CDH13: variants seen among roughly 807,000 people sequenced by gnomAD.
The protein encoded by CDH13 is cadherin-13.
CDH13 carries 24 observed loss-of-function variants against 63.8 expected under a neutral mutation model. That is an observed-to-expected ratio of 0.38 (90% CI 0.27 to 0.53). The LOEUF (loss-of-function observed/expected upper bound fraction) is 0.53. Among genes scored for constraint, CDH13 ranks in the 20% least tolerant of loss-of-function variants. The pLI is 0.85. For missense variants in CDH13, 1,049 were observed against 903.1 expected (o/e 1.16, Z -2.07); for synonymous variants, 503 against 355.3 (o/e 1.42, Z -4.67).
chr16:83,100,980 T>C (rs1364480506), intron 3 of CDH13, among the ~76,000 whole-genome samples: 2 of 152,150 alleles, frequency 1.3e-5, no homozygotes, highest in African/African-American at 4.8e-5. Flanking sequence ...TTCTTTCTCA[T>C]TTTTCATTTC....
intron 3 of CDH13, among the ~76,000 whole-genome samples, chr16:83,076,960 A>G (rs2032883822): frequency 6.6e-6 from 1 of 152,008 alleles, no homozygotes; most frequent in African/African-American, 2.4e-5. Context: ...GTGCAACCCA[A>G]ACCCCCATCA....
chr16:83,112,780 A>T (rs899950343), intron 3 of CDH13, among the ~76,000 whole-genome samples: 1 of 152,226 alleles, frequency 6.6e-6, no homozygotes, highest in Non-Finnish European at 1.5e-5. Context: ...TTTCTTTAGC[A>T]TCGAGGTATC....
At chr16:82,853,263 T>G (rs1430115318) in intron 1 of CDH13, among the ~76,000 whole-genome samples, 1 of 152,228 alleles carries the variant, frequency 6.6e-6, no homozygotes, top group Admixed American at 6.5e-5. Flanking sequence ...GATTCCCTGC[T>G]ATGTCCCTGT....
At chr16:82,709,023 G>C (rs775832835) in intron 1 of CDH13, among the ~76,000 whole-genome samples, 1 of 152,198 alleles carries the variant, frequency 6.6e-6, no homozygotes. Context: ...GTTGAGAAGT[G>C]GGGACAGGCC....
chr16:83,216,427 T>TATATATATATATATATATATATATAA lies in CDH13; in HGVS notation c.484-901_484-900insTATATATAAATATATATATATATATA, dbSNP rs71148821. 4.9e-3 allele frequency among the ~76,000 whole-genome samples: 222 copies of TATATATATATATATATATATATATAA among 45,026 alleles called. 37 individuals are homozygous for TATATATATATATATATATATATATAA. Among genetic ancestry groups the TATATATATATATATATATATATATAA allele is most frequent in the Non-Finnish European group, 9.1e-3 (183 of 20,110 alleles). The allele number at this position is 45,026 out of a possible 152,430, so 29.5% of individuals were successfully genotyped here. Reference sequence around the variant, plus strand: ...ATATATATATATATATATATATATATATATATATATATATATACACAACCC... The same window carrying TATATATATATATATATATATATATAA: ...ATATATATATATATATATATATATATATATATATATATATATATATATATAAATATATATATATATATACACAACCC... On this transcript the variant is annotated intron_variant, in intron 4 of 13. Coordinates refer to ENST00000567109, the MANE Select transcript of CDH13 (RefSeq NM_001257.5).
At chr16:83,677,257 G>A (rs1010118826) in intron 9 of CDH13, among the ~76,000 whole-genome samples, 7 of 152,190 alleles carry the variant, frequency 4.6e-5, no homozygotes, top group African/African-American at 1.7e-4. Flanking sequence ...TGTTTATCAT[G>A]GAGTTTCTTT....
intron 3 of CDH13, among the ~76,000 whole-genome samples, chr16:83,080,103 A>T (rs1012382001): frequency 6.6e-6 from 1 of 152,152 alleles, no homozygotes; most frequent in African/African-American, 2.4e-5. Context: ...GCCTGGGTGA[A>T]GGTCAAGGAG....
rs562077308 is a variant in CDH13, at chr16:83,065,387, C to T, written c.366+33169C>T. On this transcript the variant is annotated intron_variant, in intron 3 of 13. Transcript: ENST00000567109. ...GGATGGAGAAGTTTCTACAAAACTG[C>T]TGCTAATTCAAAGAAACAGATATAG... Among the ~76,000 whole-genome samples, 355 of 152,246 alleles carry T rather than the reference C, an allele frequency of 2.3e-3. 1 individual carries two copies. Among genetic ancestry groups the T allele is most frequent in the Non-Finnish European group, 3.8e-3 (260 of 68,024 alleles).
chr16:82,791,686 A>G (rs1449684802), intron 1 of CDH13, among the ~76,000 whole-genome samples: 1 of 152,214 alleles, frequency 6.6e-6, no homozygotes, highest in African/African-American at 2.4e-5. Context: ...CTCCTGATCC[A>G]GCGAGGCTCC....
chr16:82,916,363 T>C (rs1249683804), intron 2 of CDH13, among the ~76,000 whole-genome samples: 1 of 151,970 alleles, frequency 6.6e-6, no homozygotes, highest in Non-Finnish European at 1.5e-5. Context: ...ATGACGAGGT[T>C]AGGAGTTGGA....
intron 1 of CDH13, among the ~76,000 whole-genome samples, chr16:82,808,256 C>T (rs972481499): frequency 9.2e-5 from 14 of 152,100 alleles, no homozygotes; most frequent in Admixed American, 6.5e-5. Flanking sequence ...AAATGATTTG[C>T]TTTTGTTCTC....
intron 6 of CDH13, among the ~76,000 whole-genome samples, chr16:83,450,875 GA>G (rs113200559): frequency 4.0e-5 from 6 of 151,292 alleles, no homozygotes; most frequent in Non-Finnish European, 7.4e-5. Context: ...GTCTCACAGA[GA>G]AAAAAAAATT....
At chr16:83,588,678 A>G (rs1203912400) in intron 7 of CDH13, among the ~76,000 whole-genome samples, 2 of 152,218 alleles carry the variant, frequency 1.3e-5, no homozygotes, top group African/African-American at 4.8e-5. Flanking sequence ...CTTGATATTT[A>G]CCACTTTGTA....
intron 7 of CDH13, among the ~76,000 whole-genome samples, chr16:83,540,591 C>G (rs1370993072): frequency 6.6e-6 from 1 of 152,206 alleles, no homozygotes; most frequent in Non-Finnish European, 1.5e-5. Context: ...GTTTCCATTT[C>G]TACGTTTGTC....
intron 11 of CDH13, among the ~76,000 whole-genome samples, chr16:83,755,274 A>G (rs776946878): frequency 6.6e-6 from 1 of 152,176 alleles, no homozygotes; most frequent in Non-Finnish European, 1.5e-5. Flanking sequence ...AGCAAACACC[A>G]CAAGGGAAGC....
intron 5 of CDH13, among the ~76,000 whole-genome samples, chr16:83,246,227 C>T (rs1048862126): frequency 1.3e-5 from 2 of 152,148 alleles, no homozygotes; most frequent in Non-Finnish European, 2.9e-5. Flanking sequence ...ACTAACTTTT[C>T]CAAGAGGGAG....
At chr16:83,200,688 C>A (rs974326479) in intron 4 of CDH13, among the ~76,000 whole-genome samples, 1 of 152,042 alleles carries the variant, frequency 6.6e-6, no homozygotes, top group Non-Finnish European at 1.5e-5. Context: ...CTACATATAC[C>A]ACCCACCAAA....
intron 7 of CDH13, among the ~76,000 whole-genome samples, chr16:83,524,644 G>T (rs1399684411): frequency 6.6e-6 from 1 of 151,796 alleles, no homozygotes; most frequent in Non-Finnish European, 1.5e-5. Flanking sequence ...AGTAGAGATG[G>T]GGTTTCACCA....
Position 83,670,770 on chromosome 16 carries a change from A to G in CDH13, c.1102-20A>G. The G allele has an allele frequency of 4.3e-6, 7 of 1,612,772 alleles. No individual in the cohort carries two copies. The highest frequency in any genetic ancestry group is 5.9e-6 in the Non-Finnish European group (7 of 1,178,836). ...ATGTGTTTTCAAAATAGTGACCATT[A>G]CCATCTGCTTTGTTTGCAGTTTCAA... On this transcript the variant is annotated intron_variant, in intron 8 of 13. Coordinates refer to ENST00000567109, the MANE Select transcript of CDH13 (RefSeq NM_001257.5).
Sources: allele counts gnomAD v4.1 joint callset (sites outside exome capture counted in the v4.1 genomes callset), GRCh38; gene constraint gnomAD v4.1.1; transcripts MANE v1.5; gene names NCBI Gene and HGNC (gene_info 2026-07-23, HGNC 2026-07-21).